Variants in RAD52 observed in about 807,000 individuals in gnomAD.
RAD52 encodes the protein DNA repair protein RAD52 homolog.
RAD52 carries 47 observed loss-of-function variants against 55.5 expected under a neutral mutation model. The ratio of observed to expected loss-of-function variants is 0.85; its 90% confidence interval spans 0.67 to 1.08. RAD52 has a LOEUF of 1.08. Among genes scored for constraint, RAD52 ranks in the 50% least tolerant of loss-of-function variants. The pLI, the probability that RAD52 is intolerant of heterozygous loss-of-function variation, is 0.00. For missense variants in RAD52, 468 were observed against 522.8 expected (o/e 0.90, Z 1.02); for synonymous variants, 184 against 198.9 (o/e 0.92, Z 0.63).
At chr12:944,279 T>A (rs1360517910) in intron 1 of RAD52, among the ~76,000 whole-genome samples, 1 of 151,686 alleles carries the variant, frequency 6.6e-6, no homozygotes, top group African/African-American at 2.4e-5. Context: ...TCCCAGCACT[T>A]GAGGCTGAAG....
At chr12:927,080 A>G (rs1361829458) in intron 6 of RAD52, 65 bp downstream of exon 6, 1 of 1,559,576 alleles carries the variant, frequency 6.4e-7, no homozygotes, top group East Asian at 2.2e-5. Flanking sequence ...TTCCAAAAAA[A>G]ATCGAAATCT....
upstream of RAD52, among the ~76,000 whole-genome samples, chr12:953,123 G>C (rs542021562): frequency 2.0e-5 from 3 of 149,582 alleles, no homozygotes; most frequent in South Asian, 6.5e-4. Context: ...TGGCCAGCAT[G>C]TTGAAACCCC....
At chr12:949,782 G>A (rs1958470003), upstream of RAD52, 1 of 152,276 alleles carries the variant, frequency 6.6e-6, no homozygotes, top group Non-Finnish European at 1.5e-5. Flanking sequence ...GACCAGAGAA[G>A]GAACCGTAAA....
intron 1 of RAD52, among the ~76,000 whole-genome samples, chr12:948,945 C>T (rs1958410289): frequency 6.6e-6 from 1 of 152,184 alleles, no homozygotes; most frequent in Non-Finnish European, 1.5e-5. Flanking sequence ...GCGATCCTCC[C>T]GCATCGGCCT....
chr12:925,497 TAC>T lies in RAD52; in HGVS notation c.494_495del (p.Cys165TyrfsTer12). The T allele has an allele frequency of 1.2e-6, 2 of 1,613,904 alleles. No homozygotes were observed. Among genetic ancestry groups the T allele is most frequent in the Non-Finnish European group, 1.7e-6 (2 of 1,179,858 alleles). Reference sequence around the variant, plus strand: ...GATCTCAGGTAGTCTTTGTCCAGAATACAGTTTCCAAGTGCATTCCCAAAACT... The same window carrying T: ...GATCTCAGGTAGTCTTTGTCCAGAATAGTTTCCAAGTGCATTCCCAAAACT... ...LRSFGNALGN[C>X]ILDKDYLRSL... On this transcript the variant is annotated frameshift_variant, in exon 7 of 12. Transcript: ENST00000358495. LOFTEE classifies it high-confidence loss of function.
chr12:917,770 C>CAA (rs71055103), intron 7 of RAD52, among the ~76,000 whole-genome samples: 1,478 of 107,320 alleles, frequency 0.014, 16 homozygotes, highest in Non-Finnish European at 0.019. Context: ...ACTAAAAATA[C>CAA]AAAAAAAAAA....
intron 1 of RAD52, among the ~76,000 whole-genome samples, chr12:971,818 G>A (rs1390000282): frequency 1.3e-5 from 2 of 151,668 alleles, no homozygotes; most frequent in Non-Finnish European, 2.9e-5. Flanking sequence ...CGCGATCTCG[G>A]CTCACTGCAG....
chr12:978,001 T>G (rs369331712), intron 1 of RAD52, among the ~76,000 whole-genome samples: 11 of 152,246 alleles, frequency 7.2e-5, no homozygotes, highest in African/African-American at 1.9e-4. Context: ...CTGACAACAT[T>G]TGCTACAATG....
chr12:919,643 C>G (rs1486211546), intron 7 of RAD52, among the ~76,000 whole-genome samples: 1 of 140,744 alleles, frequency 7.1e-6, no homozygotes, highest in Non-Finnish European at 1.5e-5. Context: ...CCCAGCTACT[C>G]AGGAGGCTGA....
At chr12:978,718 A>G (rs999740021) in intron 1 of RAD52, among the ~76,000 whole-genome samples, 2 of 151,850 alleles carry the variant, frequency 1.3e-5, no homozygotes, top group South Asian at 2.1e-4. Flanking sequence ...CAGGAGAATT[A>G]CTGGAACCCA....
intron 1 of RAD52, among the ~76,000 whole-genome samples, chr12:942,271 T>G (rs1957960032): frequency 6.6e-6 from 1 of 151,962 alleles, no homozygotes; most frequent in African/African-American, 2.4e-5. Context: ...GAAAAGGGAG[T>G]GCAGACATCA....
At chr12:918,920 C>T (rs572741912) in intron 7 of RAD52, among the ~76,000 whole-genome samples, 10 of 152,044 alleles carry the variant, frequency 6.6e-5, no homozygotes, top group Admixed American at 1.3e-4. Context: ...TTTCATACTT[C>T]GGTCAATTTT....
At chr12:973,476 T>C (rs893547159) in intron 1 of RAD52, among the ~76,000 whole-genome samples, 3 of 151,550 alleles carry the variant, frequency 2.0e-5, no homozygotes, top group African/African-American at 7.3e-5. Context: ...AAGGTAGATC[T>C]GACAGGATTT....
chr12:915,037 G>A (rs1956282450), intron 9 of RAD52, among the ~76,000 whole-genome samples: 1 of 152,196 alleles, frequency 6.6e-6, no homozygotes, highest in Admixed American at 6.5e-5. Flanking sequence ...GGAGGCTGAG[G>A]AAGGAGGATC....
At chr12:973,361 A>G (rs958813260) in intron 1 of RAD52, among the ~76,000 whole-genome samples, 7 of 152,058 alleles carry the variant, frequency 4.6e-5, no homozygotes, top group East Asian at 3.9e-4. Flanking sequence ...GAGCCACCAC[A>G]CCTGGCCAGA....
chr12:976,997 T>C (rs934141304), intron 1 of RAD52: 3 of 152,466 alleles, frequency 2.0e-5, no homozygotes, highest in Admixed American at 6.5e-5. Context: ...CCAGGAAACA[T>C]TGTTAGCCGT....
Position 913,370 on chromosome 12 carries a change from A to G in RAD52, c.*21T>C. The G allele has an allele frequency of 1.3e-6, 2 of 1,569,994 alleles. No homozygotes were observed. Among genetic ancestry groups the G allele is most frequent in the Non-Finnish European group, 1.7e-6 (2 of 1,145,324 alleles). On this transcript the variant is annotated 3_prime_UTR_variant, in exon 12 of 12. Transcript: ENST00000358495. ...CAAAGTCCCTTTGTGACAGAGTCCA[A>G]TTATGTGGCCTGAGCCTCAGTTAAG...
intron 1 of RAD52, among the ~76,000 whole-genome samples, chr12:985,965 A>C: frequency 2.5e-5 from 3 of 120,780 alleles, no homozygotes; most frequent in African/African-American, 3.3e-5. Context: ...ACAGAGTTTC[A>C]CTCTTGTTGC....
chr12:980,419 G>A lies in RAD52; in HGVS notation c.-19+9390C>T, dbSNP rs560836375. 5.5e-4 allele frequency among the ~76,000 whole-genome samples: 83 copies of A among 150,344 alleles called. 1 individual carries two copies. The highest frequency in any genetic ancestry group is 5.1e-3 in the South Asian group (24 of 4,710). On this transcript the variant is annotated intron_variant, in intron 1 of 11. Coordinates refer to the RAD52 transcript ENST00000430095. ...AGCTATTCTCCTGCCTCAGCCTCCC[G>A]AGTAGCTGGGATTACAGGTGCCTGC...
Sources: allele counts gnomAD v4.1 joint callset (sites outside exome capture counted in the v4.1 genomes callset), GRCh38; gene constraint gnomAD v4.1.1; transcripts MANE v1.5; gene names NCBI Gene and HGNC (gene_info 2026-07-23, HGNC 2026-07-21).